RIMBP2: variants seen among roughly 807,000 people sequenced by gnomAD.
RIMBP2 encodes the protein RIMS binding protein 2.
Under a neutral mutation model 118.6 loss-of-function variants are expected in RIMBP2, and 48 were observed. The observed-to-expected ratio is 0.40, with a 90% CI of 0.32 to 0.51. RIMBP2 has a LOEUF of 0.51. Among genes scored for constraint, RIMBP2 ranks in the 20% least tolerant of loss-of-function variants. The pLI is 0.41. For synonymous variants in RIMBP2, 762 were observed against 742.9 expected (o/e 1.03, Z -0.42); for missense variants, 1,551 against 1,768.3 (o/e 0.88, Z 2.20).
intron 2 of RIMBP2, among the ~76,000 whole-genome samples, chr12:130,567,298 G>T (rs142485966): frequency 2.0e-5 from 3 of 152,174 alleles, no homozygotes; most frequent in Non-Finnish European, 2.9e-5. Context: ...GGCAGCTGGC[G>T]TATGCACCAC....
At position 130,478,856 on chromosome 12, in the gene RIMBP2, C is replaced by T. The variant is rs1414009223; in HGVS notation, c.102+56G>A. 37 of 1,339,646 alleles carry T rather than the reference C, an allele frequency of 2.8e-5. No individual in the cohort carries two copies. In the Admixed American group the frequency reaches 3.2e-4, roughly 12 times the overall value. The allele number at this position is 1,339,646 out of a possible 1,614,324, so 83.0% of individuals were successfully genotyped here. A position where few individuals can be genotyped will look rare whatever the true frequency, so the allele number is the denominator to read the frequency against. On this transcript the variant is annotated intron_variant, in intron 5 of 22. Coordinates refer to ENST00000690449, the MANE Select transcript of RIMBP2 (RefSeq NM_001393629.1). ...GCCGCTCCACCACACCAGGGATCCC[C>T]GGCCCACCCGTGGACTCCCTGCCTC...
chr12:130,447,829 G>A lies in RIMBP2; in HGVS notation c.581+2371C>T, dbSNP rs2078665825. Among the ~76,000 whole-genome samples, 1 of 152,180 alleles carries A rather than the reference G, an allele frequency of 6.6e-6. No individual in the cohort carries two copies. The highest frequency in any genetic ancestry group is 2.1e-4 in the South Asian group (1 of 4,830). ...GAAGGGAGGAGACATGGACACAGAG[G>A]CAGCCCCTGCATGGAGGGCGGGGAG... On this transcript the variant is annotated intron_variant, in intron 9 of 22. Transcript: ENST00000690449. This position sits in a 1 kb window ranked among gnomAD's most constrained non-coding sequence, Gnocchi z 4.4.
At chr12:130,677,924 C>T (rs1445268292) in intron 1 of RIMBP2, among the ~76,000 whole-genome samples, 2 of 152,244 alleles carry the variant, frequency 1.3e-5, no homozygotes, top group Non-Finnish European at 2.9e-5. Flanking sequence ...GGCCTGAAGG[C>T]CCCGCAGAAG....
chr12:130,520,716 T>C (rs2052010156), intron 2 of RIMBP2, among the ~76,000 whole-genome samples: 1 of 148,520 alleles, frequency 6.7e-6, no homozygotes, highest in South Asian at 2.1e-4. Flanking sequence ...GGAGATCTAC[T>C]TGAAACTAAC....
Position 130,539,914 on chromosome 12 carries a change from A to C in RIMBP2, c.-216-21997T>G, listed in dbSNP as rs112817724. On this transcript the variant is annotated intron_variant, in intron 2 of 22. Coordinates refer to ENST00000690449, the MANE Select transcript of RIMBP2 (RefSeq NM_001393629.1). ...AGGTGTAGGCTATGGCAAATGCAGTAGATGAGGTGGCCAGGTGTAGGATAT... is the reference window on the plus strand; with the variant it reads ...AGGTGTAGGCTATGGCAAATGCAGTCGATGAGGTGGCCAGGTGTAGGATAT... 1.2e-4 allele frequency among the ~76,000 whole-genome samples: 14 copies of C among 115,164 alleles called. 2 individuals carry two copies. Among genetic ancestry groups the C allele is most frequent in the African/African-American group, 1.3e-4 (4 of 29,706 alleles). 75.6% of individuals were successfully genotyped at this position (115,164 alleles called of 152,430 possible). A position where few individuals can be genotyped will look rare whatever the true frequency, so the allele number is the denominator to read the frequency against.
rs74561928 is a variant in RIMBP2 at position 130,447,124 on chromosome 12, C to T, written c.582-1855G>A. Among the ~76,000 whole-genome samples the T allele has an allele frequency of 0.037, 5,601 of 151,604 alleles. 211 individuals are homozygous for T. The highest frequency in any genetic ancestry group is 0.18 in the East Asian group (909 of 5,096). ...GAGAGGAACAGGAGCCCCCAGGCCA[C>T]GCCTTCAGGAGTGCCCACACCTGAC... is the stretch of plus-strand genomic sequence containing the variant. On this transcript the variant is annotated intron_variant, in intron 9 of 22. Coordinates refer to ENST00000690449, the MANE Select transcript of RIMBP2 (RefSeq NM_001393629.1). The surrounding 1 kb of genome is among the most constrained non-coding windows in gnomAD (Gnocchi z 4.4).
chr12:130,594,606 A>AT (rs1216974700), intron 2 of RIMBP2, among the ~76,000 whole-genome samples: 20 of 152,270 alleles, frequency 1.3e-4, no homozygotes, highest in Admixed American at 5.2e-4. Context: ...AAATTTATGA[A>AT]TTTGTGTTGG....
chr12:130,430,804 T>C (rs2077103766), intron 14 of RIMBP2: 1 of 152,026 alleles, frequency 6.6e-6, no homozygotes, highest in Non-Finnish European at 1.5e-5. Flanking sequence ...CTAATTTTTA[T>C]ATTTTTAGTG....
intron 1 of RIMBP2, among the ~76,000 whole-genome samples, chr12:130,654,042 A>G (rs2063332683): frequency 6.6e-6 from 1 of 152,176 alleles, no homozygotes; most frequent in South Asian, 2.1e-4. Flanking sequence ...TGTCTTGGAT[A>G]TTAGCACTTG....
At chr12:130,495,682 G>A (rs368170479) in intron 4 of RIMBP2, among the ~76,000 whole-genome samples, 23 of 152,330 alleles carry the variant, frequency 1.5e-4, no homozygotes, top group African/African-American at 5.1e-4. Context: ...TATTCTAGTA[G>A]ATTCCTTTGA....
chr12:130,691,759 G>A (rs116641428), intron 1 of RIMBP2, among the ~76,000 whole-genome samples: 55 of 152,342 alleles, frequency 3.6e-4, no homozygotes, highest in African/African-American at 1.2e-3. Context: ...TCATGCAGAC[G>A]GTGCAGCACA....
At chr12:130,639,632 G>A (rs2062523665) in intron 1 of RIMBP2, among the ~76,000 whole-genome samples, 1 of 151,864 alleles carries the variant, frequency 6.6e-6, no homozygotes, top group Non-Finnish European at 1.5e-5. Flanking sequence ...TTTCCTCCTG[G>A]TCAGCAGGCT....
chr12:130,479,823 C>A (rs1566113164), intron 4 of RIMBP2, among the ~76,000 whole-genome samples: 1 of 151,808 alleles, frequency 6.6e-6, no homozygotes, highest in Non-Finnish European at 1.5e-5. Flanking sequence ...CTCCCCCTGA[C>A]AATCCGTCTG....
At chr12:130,695,217 C>T (rs2065510115) in intron 1 of RIMBP2, among the ~76,000 whole-genome samples, 1 of 152,174 alleles carries the variant, frequency 6.6e-6, no homozygotes, top group East Asian at 1.9e-4. Flanking sequence ...GACAAGACCG[C>T]AGGGCCCCTC....
At chr12:130,682,132 C>T (rs532277606) in intron 1 of RIMBP2, among the ~76,000 whole-genome samples, 22 of 152,292 alleles carry the variant, frequency 1.4e-4, no homozygotes, top group Admixed American at 7.2e-4. Flanking sequence ...GCCCTTGTCC[C>T]GTATCCCGGT....
intron 19 of RIMBP2, among the ~76,000 whole-genome samples, chr12:130,408,475 C>T (rs531084455): frequency 3.9e-5 from 6 of 152,324 alleles, no homozygotes; most frequent in South Asian, 2.1e-4. Context: ...TGCATTCCCA[C>T]GGCCTGGCTC....
chr12:130,404,271 A>T (rs1565982026), intron 21 of RIMBP2, among the ~76,000 whole-genome samples: 1 of 152,206 alleles, frequency 6.6e-6, no homozygotes, highest in Non-Finnish European at 1.5e-5. Flanking sequence ...GGGAAAAATC[A>T]TTCACAATCA....
At chr12:130,505,288 A>G (rs1192346476) in intron 4 of RIMBP2, among the ~76,000 whole-genome samples, 2 of 152,216 alleles carry the variant, frequency 1.3e-5, no homozygotes, top group East Asian at 3.9e-4. Flanking sequence ...AGATGGCATC[A>G]TTCTTTTCTA....
rs553427785 is a variant in RIMBP2 at position 130,459,054 on chromosome 12, A to C, written c.154-2354T>G. Among the ~76,000 whole-genome samples the C allele has an allele frequency of 8.7e-3, 137 of 15,662 alleles. 2 individuals carry two copies. Among genetic ancestry groups the C allele is most frequent in the African/African-American group, 9.7e-3 (131 of 13,448 alleles). 10.3% of individuals were successfully genotyped at this position (15,662 alleles called of 152,430 possible). ...AGTGACACTCTGTCTCAAAAAAAAA[A>C]AAAAACAAAAAAAAAGTGAATAGAC... On this transcript the variant is annotated intron_variant, in intron 6 of 22. Coordinates refer to ENST00000690449, the MANE Select transcript of RIMBP2 (RefSeq NM_001393629.1).
Sources: gnomAD v4.1 joint callset for allele counts (sites outside exome capture counted in the v4.1 genomes callset) on GRCh38, gnomAD v4.1.1 for gene constraint, Gnocchi (gnomAD v3.1) non-coding constraint, MANE v1.5 for transcripts, NCBI Gene and HGNC (gene_info 2026-07-23, HGNC 2026-07-21) for gene names.